MEGF10: variants seen among roughly 807,000 people sequenced by gnomAD.
The protein encoded by MEGF10 is multiple epidermal growth factor-like domains protein 10.
Under a neutral mutation model 147.5 loss-of-function variants are expected in MEGF10, and 86 were observed. The observed-to-expected ratio is 0.58, with a 90% CI of 0.49 to 0.70. The LOEUF is 0.70. MEGF10 is among the 30% of genes least tolerant of loss of function. MEGF10 has a pLI of 0.00. For synonymous variants in MEGF10, 478 were observed against 525.5 expected, an observed-to-expected ratio of 0.91 and a Z score of 1.24; for missense variants, 1,329 against 1,487.3, an observed-to-expected ratio of 0.89 and a Z score of 1.75.
the MEGF10 span, among the ~76,000 whole-genome samples, chr5:127,266,254 G>C: frequency 1.1e-4 from 17 of 151,536 alleles, no homozygotes; most frequent in Admixed American, 7.9e-4. Context: ...TATTTCTGAG[G>C]CCTCTCTTCT....
intron 13 of MEGF10, among the ~76,000 whole-genome samples, chr5:127,426,511 C>A (rs1324159265): frequency 6.6e-6 from 1 of 152,084 alleles, no homozygotes; most frequent in East Asian, 1.9e-4. Context: ...AAATGAAATA[C>A]CATTCAGGAT....
chr5:127,370,848 C>T (rs1762819888), intron 5 of MEGF10, among the ~76,000 whole-genome samples: 1 of 152,154 alleles, frequency 6.6e-6, no homozygotes, highest in Non-Finnish European at 1.5e-5. Flanking sequence ...TAAAGTGCAA[C>T]TAAATTGTAA....
intron 1 of MEGF10, among the ~76,000 whole-genome samples, chr5:127,323,821 G>T (rs564820391): frequency 4.6e-5 from 7 of 152,244 alleles, no homozygotes; most frequent in African/African-American, 1.7e-4. Context: ...TTTAACAGGG[G>T]CTAGAGGATC....
At chr5:127,342,212 C>T (rs1379055989) in intron 4 of MEGF10, among the ~76,000 whole-genome samples, 4 of 152,134 alleles carry the variant, frequency 2.6e-5, no homozygotes, top group Non-Finnish European at 4.4e-5. Context: ...CAAAAGAAAG[C>T]AGTGTGGAGT....
chr5:127,340,692 T>C, intron 4 of MEGF10, 62 bp downstream of exon 4: 1 of 1,357,550 alleles, frequency 7.4e-7, no homozygotes, highest in South Asian at 1.2e-5. Flanking sequence ...TTTGCTTCCA[T>C]TAATAGCAGC....
At chr5:127,352,864 G>C (rs1340525132) in intron 4 of MEGF10, among the ~76,000 whole-genome samples, 1 of 152,194 alleles carries the variant, frequency 6.6e-6, no homozygotes, top group Non-Finnish European at 1.5e-5. Flanking sequence ...GTTTGAGAGA[G>C]AGACTTTACT....
intron 17 of MEGF10, among the ~76,000 whole-genome samples, chr5:127,439,745 C>T (rs952708693): frequency 2.0e-5 from 3 of 152,204 alleles, no homozygotes; most frequent in Non-Finnish European, 4.4e-5. Context: ...ATGGCCCTGC[C>T]GTCCTGCCAG....
chr5:127,234,933 T>G, the MEGF10 span, among the ~76,000 whole-genome samples: 21 of 152,006 alleles, frequency 1.4e-4, no homozygotes, highest in Admixed American at 2.6e-4. Flanking sequence ...AACCTCCACC[T>G]CCCTGGTTCA....
rs1761817894 is a variant in MEGF10 at position 127,344,784 on chromosome 5, A to G, written c.319+4154A>G. Among the ~76,000 whole-genome samples the G allele has an allele frequency of 5.9e-5, 9 of 152,346 alleles. No homozygotes were observed. In the South Asian group the frequency reaches 1.9e-3, roughly 32 times the overall value. On this transcript the variant is annotated intron_variant, in intron 4 of 24. Transcript: ENST00000503335. ...TTTAAAATGTTCTTGAAAACAAAGA[A>G]CTTTAGAGAAATTAAGTAAATAGAT...
intron 2 of MEGF10, among the ~76,000 whole-genome samples, chr5:127,338,695 C>G (rs1357031271): frequency 1.3e-5 from 2 of 152,104 alleles, no homozygotes; most frequent in Non-Finnish European, 2.9e-5. Context: ...AAAATGCACT[C>G]TATTACTTTA....
intron 4 of MEGF10, among the ~76,000 whole-genome samples, chr5:127,366,515 G>T (rs1284442798): frequency 6.6e-6 from 1 of 152,072 alleles, no homozygotes; most frequent in Non-Finnish European, 1.5e-5. Flanking sequence ...GATTCCATTG[G>T]CTTTAGCTTT....
At chr5:127,373,217 T>G (rs1351826798) in intron 5 of MEGF10, among the ~76,000 whole-genome samples, 1 of 152,190 alleles carries the variant, frequency 6.6e-6, no homozygotes, top group African/African-American at 2.4e-5. Context: ...CAATGGCTGA[T>G]CTTGGCTCAC....
At chr5:127,254,750 G>A in the MEGF10 span, among the ~76,000 whole-genome samples, 2 of 151,596 alleles carry the variant, frequency 1.3e-5, no homozygotes, top group African/African-American at 4.9e-5. Flanking sequence ...GGCGGAGGTT[G>A]CAGTGAGCCA....
At chr5:127,434,598 A>T in intron 14 of MEGF10, 89 bp from the exon 15 acceptor site, 1 of 1,388,842 alleles carries the variant, frequency 7.2e-7, no homozygotes, top group Non-Finnish European at 9.5e-7. Context: ...TTTGCTTTTT[A>T]ACCTCTAAAA....
At position 127,396,726 on chromosome 5, in the gene MEGF10, T is replaced by G; in HGVS notation, c.607T>G (p.Cys203Gly). The change falls in exon 6 of 25, where the codon TGC (cysteine) becomes GGC (glycine). Residue 203 changes from cysteine (C) to glycine (G), a missense_variant. By Grantham distance (159) the Cys-to-Gly change is radical. Coordinates refer to ENST00000503335, the MANE Select transcript of MEGF10 (RefSeq NM_001256545.2). ...QRCQCQNGAT[C>G]DHVTGECRCP... ...ATGCCAGTGCCAGAATGGAGCCACC[T>G]GCGACCACGTCACGGGGGAATGCCG... The G allele has an allele frequency of 6.2e-7, 1 of 1,614,064 alleles. No individual in the cohort carries two copies. Among genetic ancestry groups the G allele is most frequent in the Non-Finnish European group, 8.5e-7 (1 of 1,180,022 alleles).
At chr5:127,329,385 T>C (rs1001043929) in intron 1 of MEGF10, among the ~76,000 whole-genome samples, 16 of 152,196 alleles carry the variant, frequency 1.1e-4, no homozygotes, top group African/African-American at 3.4e-4. Flanking sequence ...CATTTTCTTT[T>C]AGCCTTTGTT....
chr5:127,290,120 T>TC (rs1185772207), upstream of MEGF10, among the ~76,000 whole-genome samples: 5 of 152,164 alleles, frequency 3.3e-5, no homozygotes, highest in East Asian at 9.7e-4. Flanking sequence ...AGGGAGCCAT[T>TC]CCCCAATAAA....
chr5:127,328,014 G>A (rs1244520026), intron 1 of MEGF10, among the ~76,000 whole-genome samples: 2 of 152,110 alleles, frequency 1.3e-5, no homozygotes, highest in Non-Finnish European at 2.9e-5. Flanking sequence ...ACCACGCCTG[G>A]CCTAAATGTC....
the MEGF10 span, among the ~76,000 whole-genome samples, chr5:127,246,811 AAAT>A: frequency 5.9e-5 from 1 of 16,888 alleles, no homozygotes; most frequent in African/African-American, 1.7e-4. Context: ...TAAATATTTA[AAAT>A]AATAGATAAT....
Sources: gnomAD v4.1 joint callset for allele counts (sites outside exome capture counted in the v4.1 genomes callset) on GRCh38, gnomAD v4.1.1 for gene constraint, MANE v1.5 for transcripts, NCBI Gene and HGNC (gene_info 2026-07-23, HGNC 2026-07-21) for gene names.